The following NEXN variants were observed in gnomAD, a reference collection of about 807,000 sequenced individuals.
The protein encoded by NEXN is nexilin F-actin binding protein.
In NEXN, 65 loss-of-function variants were observed where a neutral mutation model predicts 92.6. The observed-to-expected ratio is 0.70, with a 90% CI of 0.57 to 0.86. The LOEUF is 0.86. Among genes scored for constraint, NEXN ranks in the 40% least tolerant of loss-of-function variants. The pLI, the probability that NEXN is intolerant of heterozygous loss-of-function variation, is 0.00. For synonymous variants in NEXN, 254 were observed against 242.5 expected (o/e 1.05, Z -0.44); for missense variants, 778 against 771.1 (o/e 1.01, Z -0.11).
At chr1:77,905,679 G>A (rs1571085862) in intron 1 of NEXN, among the ~76,000 whole-genome samples, 1 of 152,186 alleles carries the variant, frequency 6.6e-6, no homozygotes, top group South Asian at 2.1e-4. Context: ...TTTTCAGGAA[G>A]GTGGGTCATT....
chr1:77,921,686 G>A, intron 5 of NEXN, among the ~76,000 whole-genome samples: 1 of 152,142 alleles, frequency 6.6e-6, no homozygotes, highest in East Asian at 1.9e-4. Context: ...GAGGCAGGTG[G>A]ACTGCTTGAG....
At chr1:77,919,086 G>A (rs569798949) in intron 5 of NEXN, among the ~76,000 whole-genome samples, 1 of 152,150 alleles carries the variant, frequency 6.6e-6, no homozygotes, top group African/African-American at 2.4e-5. Context: ...GGAGGTGAAA[G>A]GTACTTCTTA....
chr1:77,933,703 G>C (rs1416439463), intron 10 of NEXN, among the ~76,000 whole-genome samples: 2 of 152,168 alleles, frequency 1.3e-5, no homozygotes, highest in East Asian at 3.8e-4. Context: ...AGGTTTGCAA[G>C]TGACTGAGCT....
At chr1:77,897,203 C>T (rs1212581090) in intron 1 of NEXN, among the ~76,000 whole-genome samples, 1 of 152,082 alleles carries the variant, frequency 6.6e-6, no homozygotes, top group African/African-American at 2.4e-5. Flanking sequence ...AGAGACACAA[C>T]CAAAAAAGAG....
At chr1:77,900,529 A>C (rs1647615972) in intron 1 of NEXN, among the ~76,000 whole-genome samples, 1 of 152,180 alleles carries the variant, frequency 6.6e-6, no homozygotes, top group Non-Finnish European at 1.5e-5. Context: ...CCTTTTCACA[A>C]AAATAATGTA....
intron 1 of NEXN, among the ~76,000 whole-genome samples, chr1:77,908,775 G>A (rs1157165126): frequency 6.6e-6 from 1 of 152,130 alleles, no homozygotes; most frequent in Non-Finnish European, 1.5e-5. Flanking sequence ...TAGTAGGGGA[G>A]ATGAATAGTA....
chr1:77,914,908 A>C (rs1648849762), intron 1 of NEXN, among the ~76,000 whole-genome samples: 1 of 152,194 alleles, frequency 6.6e-6, no homozygotes, highest in African/African-American at 2.4e-5. Context: ...ATTTTTGTAA[A>C]AAGCAAGGTC....
intron 1 of NEXN, among the ~76,000 whole-genome samples, chr1:77,897,089 A>C (rs934027308): frequency 1.3e-5 from 2 of 152,258 alleles, no homozygotes; most frequent in African/African-American, 4.8e-5. Context: ...TACAAAGAAG[A>C]GCTGGTACCA....
intron 1 of NEXN, among the ~76,000 whole-genome samples, chr1:77,891,257 T>G (rs1571054598): frequency 6.6e-6 from 1 of 152,228 alleles, no homozygotes; most frequent in Non-Finnish European, 1.5e-5. Context: ...TTAAAAATTA[T>G]GGAGAATGGA....
At chr1:77,889,856 C>T (rs1647066397) in intron 1 of NEXN, among the ~76,000 whole-genome samples, 1 of 152,194 alleles carries the variant, frequency 6.6e-6, no homozygotes, top group Non-Finnish European at 1.5e-5. Context: ...CTTCGAGTCA[C>T]AACATAACTA....
intron 1 of NEXN, among the ~76,000 whole-genome samples, chr1:77,897,097 C>G (rs1374140836): frequency 6.6e-6 from 1 of 152,170 alleles, no homozygotes; most frequent in Non-Finnish European, 1.5e-5. Context: ...AGAGCTGGTA[C>G]CATTCCTTCT....
chr1:77,910,759 A>AC (rs1648507287), intron 1 of NEXN, among the ~76,000 whole-genome samples: 3 of 119,902 alleles, frequency 2.5e-5, no homozygotes, highest in South Asian at 6.7e-4. Context: ...AAAAAAAAAA[A>AC]AAAAAAAAAA....
intron 11 of NEXN, among the ~76,000 whole-genome samples, chr1:77,938,426 G>A (rs1434997034): frequency 6.6e-6 from 1 of 151,884 alleles, no homozygotes; most frequent in African/African-American, 2.4e-5. Context: ...CGAGGCGGGC[G>A]GATCACCAGG....
intron 9 of NEXN, 25 bp from the exon 10 acceptor site, chr1:77,933,257 G>A: frequency 2.2e-6 from 3 of 1,371,124 alleles, no homozygotes; most frequent in Non-Finnish European, 3.1e-6. Flanking sequence ...TCTGGCCAGA[G>A]TGATAAAATA....
intron 5 of NEXN, among the ~76,000 whole-genome samples, chr1:77,921,518 C>T (rs550180081): frequency 9.9e-5 from 15 of 152,068 alleles, no homozygotes; most frequent in Non-Finnish European, 1.6e-4. Flanking sequence ...AATCACAGCT[C>T]ATTGCAGCCT....
intron 1 of NEXN, among the ~76,000 whole-genome samples, chr1:77,915,068 C>T (rs1028075714): frequency 6.6e-6 from 1 of 152,000 alleles, no homozygotes; most frequent in African/African-American, 2.4e-5. Context: ...AATCCTAGCA[C>T]TTCTGGAGGC....
intron 8 of NEXN, among the ~76,000 whole-genome samples, chr1:77,928,515 A>G (rs1220978330): frequency 6.6e-6 from 1 of 152,032 alleles, no homozygotes; most frequent in African/African-American, 2.4e-5. Flanking sequence ...AACTTAATAA[A>G]GAAATAGTAT....
chr1:77,926,627 T>C lies in NEXN; in HGVS notation c.687+16T>C, dbSNP rs1649868664. 6.2e-7 allele frequency: 1 copy of C among 1,613,752 alleles called. No individual in the cohort carries two copies. The highest frequency in any genetic ancestry group is 1.7e-5 in the Admixed American group (1 of 59,990). ...ATTAGTTATGGTAAATTTTTGTTTG[T>C]TTGTTTTCTAAGAAACAAATCAAGG... On this transcript the variant is annotated intron_variant, in intron 7 of 12. Coordinates refer to ENST00000334785, the MANE Select transcript of NEXN (RefSeq NM_144573.4).
chr1:77,913,346 C>T (rs893436142), intron 1 of NEXN, among the ~76,000 whole-genome samples: 2 of 150,522 alleles, frequency 1.3e-5, no homozygotes, highest in African/African-American at 2.5e-5. Flanking sequence ...ACCCGGGAGG[C>T]GGAGGTTGCA....
Sources: gnomAD v4.1 joint callset for allele counts (sites outside exome capture counted in the v4.1 genomes callset) on GRCh38, gnomAD v4.1.1 for gene constraint, MANE v1.5 for transcripts, NCBI Gene and HGNC (gene_info 2026-07-23, HGNC 2026-07-21) for gene names.